Variants in ST18 observed in about 807,000 individuals in gnomAD.
The protein encoded by ST18 is suppression of tumorigenicity 18 protein.
Under a neutral mutation model 110.0 loss-of-function variants are expected in ST18, and 50 were observed. That is an observed-to-expected ratio of 0.45 (90% CI 0.36 to 0.58). The LOEUF (loss-of-function observed/expected upper bound fraction) is 0.58. Ranked by LOEUF, ST18 falls within the 20% of genes least tolerant of loss-of-function variation. The pLI is 0.00. For synonymous variants in ST18, 461 were observed against 452.4 expected, an observed-to-expected ratio of 1.02 and a Z score of -0.24; for missense variants, 1,306 against 1,280.1, an observed-to-expected ratio of 1.02 and a Z score of -0.31.
At chr8:52,352,992 G>C (rs1030859228) in intron 2 of ST18, among the ~76,000 whole-genome samples, 4 of 152,160 alleles carry the variant, frequency 2.6e-5, no homozygotes, top group Non-Finnish European at 2.9e-5. Context: ...GGTAGACTCA[G>C]GATTCATCCA....
intron 2 of ST18, among the ~76,000 whole-genome samples, chr8:52,293,385 C>T (rs2095585167): frequency 6.6e-6 from 1 of 152,234 alleles, no homozygotes; most frequent in Non-Finnish European, 1.5e-5. Flanking sequence ...GTGCACAGCA[C>T]ATGTGCCACT....
At position 52,262,949 on chromosome 8, in the gene ST18, C is replaced by T. The variant is rs192012744; in HGVS notation, c.-464-32872G>A. 2.6e-3 allele frequency among the ~76,000 whole-genome samples: 398 copies of T among 152,328 alleles called. 4 individuals are homozygous for T. Among genetic ancestry groups the T allele is most frequent in the Non-Finnish European group, 3.0e-3 (202 of 68,020 alleles). The stretch of plus-strand genomic sequence containing the variant: ...TTATCAAAAGGGGCCAAAACTTTTT[C>T]CACTGCTCAACTCAGCCTGTTACAA... On this transcript the variant is annotated intron_variant, in intron 2 of 25. Transcript: ENST00000689386.
At chr8:52,350,702 C>T (rs1275555030) in intron 2 of ST18, among the ~76,000 whole-genome samples, 6 of 151,758 alleles carry the variant, frequency 4.0e-5, no homozygotes, top group African/African-American at 1.5e-4. Context: ...ACTCACCTCT[C>T]GTGTCACTTG....
At chr8:52,165,372 A>T (rs1056602104) in intron 11 of ST18, 147 bp from the exon 12 acceptor site, 33 of 726,674 alleles carry the variant, frequency 4.5e-5, no homozygotes, top group Admixed American at 3.8e-4. Flanking sequence ...CAAACAAGTG[A>T]GCATGGAAGA....
intron 2 of ST18, among the ~76,000 whole-genome samples, chr8:52,333,304 A>T (rs1810477907): frequency 6.8e-6 from 1 of 147,772 alleles, no homozygotes; most frequent in Non-Finnish European, 1.5e-5. Flanking sequence ...TTCTATTAAA[A>T]AAAAAAAAAA....
chr8:52,203,778 A>T (rs1229543195), intron 8 of ST18, among the ~76,000 whole-genome samples: 1 of 152,180 alleles, frequency 6.6e-6, no homozygotes, highest in Non-Finnish European at 1.5e-5. Flanking sequence ...AGAGTGCATC[A>T]GGGTGAGAAG....
At chr8:52,395,434 T>C (rs772039662) in intron 2 of ST18, among the ~76,000 whole-genome samples, 10 of 152,288 alleles carry the variant, frequency 6.6e-5, no homozygotes, top group Admixed American at 3.9e-4. Flanking sequence ...ATTGAGAAGT[T>C]AGCATTTCCG....
Position 52,122,487 on chromosome 8 carries a change from A to G in ST18, c.2755+3565T>C, listed in dbSNP as rs1045872995. Among the ~76,000 whole-genome samples the G allele has an allele frequency of 4.6e-5, 7 of 151,522 alleles. 1 individual carries two copies. The highest frequency in any genetic ancestry group is 2.9e-5 in the Non-Finnish European group (2 of 67,894). ...GTGAACTTCTATTATTTATTTATTT[A>G]TTTATTTATTTTTTAGATGGAGTCT... On this transcript the variant is annotated intron_variant, in intron 23 of 25. Coordinates refer to ENST00000689386, the MANE Select transcript of ST18 (RefSeq NM_001352837.2).
At chr8:52,145,417 A>C (rs2056912943) in intron 16 of ST18, among the ~76,000 whole-genome samples, 1 of 152,164 alleles carries the variant, frequency 6.6e-6, no homozygotes, top group Non-Finnish European at 1.5e-5. Context: ...ATATGCATAC[A>C]ATAGTTTTAT....
intron 2 of ST18, among the ~76,000 whole-genome samples, chr8:52,367,234 T>C (rs866842679): frequency 1.3e-4 from 14 of 104,528 alleles, no homozygotes; most frequent in Non-Finnish European, 2.3e-4. Flanking sequence ...CGGGACCCTG[T>C]CTCACACACA....
chr8:52,206,019 G>T (rs1409882498), intron 8 of ST18, among the ~76,000 whole-genome samples: 1 of 152,158 alleles, frequency 6.6e-6, no homozygotes, highest in African/African-American at 2.4e-5. Context: ...GTGGCATGCA[G>T]CAGCCTGCAG....
At chr8:52,186,359 A>T (rs1297389320) in intron 8 of ST18, among the ~76,000 whole-genome samples, 1 of 152,192 alleles carries the variant, frequency 6.6e-6, no homozygotes, top group Admixed American at 6.5e-5. Context: ...GCAAACACCT[A>T]CACTTAGGTA....
rs1000614913 is a variant in ST18 at position 52,111,932 on chromosome 8, T to C, written c.*1266A>G. 5 of 152,456 alleles carry C rather than the reference T, an allele frequency of 3.3e-5. No individual in the cohort carries two copies. The highest frequency in any genetic ancestry group is 1.2e-4 in the African/African-American group (5 of 41,400). 9.4% of individuals were successfully genotyped at this position (152,456 alleles called of 1,614,324 possible). A position where few individuals can be genotyped will look rare whatever the true frequency, so the allele number is the denominator to read the frequency against. On this transcript the variant is annotated 3_prime_UTR_variant, in exon 26 of 26. Transcript: ENST00000689386. ...GAAATTCAAGATTGTGGGCTCAATT[T>C]GAAGTGTGGATGAGTCTGTGTGTGT...
At chr8:52,167,742 C>T (rs1028262176) in intron 10 of ST18, among the ~76,000 whole-genome samples, 1 of 152,126 alleles carries the variant, frequency 6.6e-6, no homozygotes, top group African/African-American at 2.4e-5. Context: ...GCAAAGAGTG[C>T]AGGCCACCGA....
chr8:52,393,575 C>A (rs79391346), intron 2 of ST18: 1 of 151,638 alleles, frequency 6.6e-6, no homozygotes, highest in Non-Finnish European at 1.5e-5. Flanking sequence ...TGCATATTTA[C>A]GGGAAATGAA....
rs187353714 is a variant in ST18 at position 52,404,247 on chromosome 8, T to C, written c.-465+5081A>G. On this transcript the variant is annotated intron_variant, in intron 2 of 25. Coordinates refer to ENST00000689386, the MANE Select transcript of ST18 (RefSeq NM_001352837.2). ...GGATTAGCTTTCCATTCTTTCTGTA[T>C]AAAATATTATAAGAGCATTGTCAAT... The C allele has an allele frequency of 2.0e-5, 3 of 152,330 alleles. No individual in the cohort carries two copies. The East Asian group carries it at 5.8e-4, about 29-fold the overall frequency. 9.4% of individuals were successfully genotyped at this position (152,330 alleles called of 1,614,324 possible). A position where few individuals can be genotyped will look rare whatever the true frequency, so the allele number is the denominator to read the frequency against.
intron 8 of ST18, among the ~76,000 whole-genome samples, chr8:52,181,394 GTC>G (rs1170976701): frequency 6.6e-6 from 1 of 152,154 alleles, no homozygotes; most frequent in East Asian, 1.9e-4. Flanking sequence ...TTCGGTTATA[GTC>G]ACACAGGAAC....
chr8:52,304,604 T>C (rs2095784988), intron 2 of ST18, among the ~76,000 whole-genome samples: 1 of 152,220 alleles, frequency 6.6e-6, no homozygotes, highest in South Asian at 2.1e-4. Flanking sequence ...AAATGAACAA[T>C]GATTTCCATA....
At chr8:52,342,951 AT>A (rs2140223083) in intron 2 of ST18, among the ~76,000 whole-genome samples, 1 of 152,308 alleles carries the variant, frequency 6.6e-6, no homozygotes, top group Admixed American at 6.5e-5. Context: ...GTATATTTTC[AT>A]TTTTGTGTGA....
Sources: allele counts gnomAD v4.1 joint callset (sites outside exome capture counted in the v4.1 genomes callset), GRCh38; gene constraint gnomAD v4.1.1; transcripts MANE v1.5; gene names NCBI Gene and HGNC (gene_info 2026-07-23, HGNC 2026-07-21).